The following NELL1 variants were observed in gnomAD, a reference collection of about 807,000 sequenced individuals.
NELL1 encodes the protein neural EGFL like 1, also known as protein kinase C-binding protein NELL1.
In NELL1, 76 loss-of-function variants were observed where a neutral mutation model predicts 107.4. That is an observed-to-expected ratio of 0.71 (90% CI 0.59 to 0.86). The LOEUF (loss-of-function observed/expected upper bound fraction) is 0.86. NELL1 is among the 40% of genes least tolerant of loss of function. The pLI is 0.00. For missense variants in NELL1, 1,024 were observed against 1,005.5 expected (o/e 1.02, Z -0.25); for synonymous variants, 353 against 341.2 (o/e 1.03, Z -0.38).
chr11:20,919,388 G>A lies in NELL1; in HGVS notation c.759+54G>A, dbSNP rs1850329129. The A allele has an allele frequency of 2.7e-6, 3 of 1,098,648 alleles. No homozygotes were observed. In the Admixed American group the frequency reaches 5.5e-5, roughly 20 times the overall value. The allele number at this position is 1,098,648 out of a possible 1,614,324, so 68.1% of individuals were successfully genotyped here. On this transcript the variant is annotated intron_variant, in intron 7 of 19. Transcript: ENST00000357134. ...TTCATTTCTTTTTCTGTCCTATCTG[G>A]AATTTGGAGTGATATGTTATAATGG...
chr11:21,460,041 A>C (rs778540860), intron 15 of NELL1, among the ~76,000 whole-genome samples: 8 of 152,136 alleles, frequency 5.3e-5, no homozygotes, highest in Non-Finnish European at 7.4e-5. Context: ...AGGCTTTATT[A>C]ATGTGGCCAG....
intron 2 of NELL1, among the ~76,000 whole-genome samples, chr11:20,702,223 A>C (rs2133882772): frequency 6.6e-6 from 1 of 152,294 alleles, no homozygotes; most frequent in Non-Finnish European, 1.5e-5. Context: ...GAGGTCCTTC[A>C]CATCCCTTGT....
At chr11:20,693,187 C>T (rs565427504) in intron 2 of NELL1, among the ~76,000 whole-genome samples, 2,089 of 151,728 alleles carry the variant, frequency 0.014, 41 homozygotes, top group African/African-American at 0.048. Flanking sequence ...TGTCTCTGCA[C>T]GTGAGATGGG....
intron 14 of NELL1, among the ~76,000 whole-genome samples, chr11:21,316,604 C>T (rs370992915): frequency 4.7e-4 from 72 of 152,286 alleles, no homozygotes; most frequent in African/African-American, 1.6e-3. Flanking sequence ...AATCATACTT[C>T]TGTGGTGTCC....
intron 14 of NELL1, among the ~76,000 whole-genome samples, chr11:21,336,519 A>C (rs1014558657): frequency 6.6e-6 from 1 of 151,964 alleles, no homozygotes; most frequent in African/African-American, 2.4e-5. Context: ...CCCACAAAAA[A>C]AAGAAGGACC....
intron 15 of NELL1, among the ~76,000 whole-genome samples, chr11:21,491,043 T>C (rs1854793619): frequency 6.6e-6 from 1 of 152,108 alleles, no homozygotes; most frequent in East Asian, 1.9e-4. Context: ...ATTTGCAAAC[T>C]GTCTATCCAA....
At chr11:20,904,854 G>T (rs1029480984) in intron 5 of NELL1, among the ~76,000 whole-genome samples, 1 of 151,254 alleles carries the variant, frequency 6.6e-6, no homozygotes. Context: ...TTTGAGACAG[G>T]GTCTCATTCT....
intron 12 of NELL1, among the ~76,000 whole-genome samples, chr11:21,067,370 A>T (rs547336624): frequency 6.6e-6 from 1 of 151,574 alleles, no homozygotes; most frequent in Non-Finnish European, 1.5e-5. Flanking sequence ...ATTTTTTTTT[A>T]AAGTCTTGCA....
intron 4 of NELL1, among the ~76,000 whole-genome samples, chr11:20,882,369 T>C (rs913964199): frequency 1.3e-5 from 2 of 152,244 alleles, no homozygotes; most frequent in African/African-American, 2.4e-5. Context: ...TGTGAATTTT[T>C]AGTTTACATA....
chr11:21,049,156 C>G (rs749200591), intron 12 of NELL1, among the ~76,000 whole-genome samples: 2 of 151,998 alleles, frequency 1.3e-5, no homozygotes, highest in African/African-American at 4.8e-5. Context: ...GGATGTACCC[C>G]CTAGGAAGGA....
At chr11:21,395,799 C>T (rs1250820314) in intron 15 of NELL1, among the ~76,000 whole-genome samples, 1 of 150,998 alleles carries the variant, frequency 6.6e-6, no homozygotes, top group Admixed American at 6.6e-5. Context: ...AAAAAAACTC[C>T]TCGATTGTGT....
intron 15 of NELL1, among the ~76,000 whole-genome samples, chr11:21,449,681 G>A (rs1283991078): frequency 6.6e-6 from 1 of 152,124 alleles, no homozygotes; most frequent in Admixed American, 6.5e-5. Flanking sequence ...TTAGTTTTAG[G>A]TTTAATGTTT....
chr11:20,841,687 A>G (rs1278052513), intron 3 of NELL1, among the ~76,000 whole-genome samples: 1 of 152,170 alleles, frequency 6.6e-6, no homozygotes, highest in Non-Finnish European at 1.5e-5. Flanking sequence ...ACTCCAATTT[A>G]TGTAATAGAT....
intron 13 of NELL1, among the ~76,000 whole-genome samples, chr11:21,215,296 T>C (rs1386718964): frequency 6.6e-6 from 1 of 152,208 alleles, no homozygotes. Context: ...ATAAGTTTCC[T>C]GAGGCCTTCT....
rs1849002869 is a variant in NELL1, at chr11:20,862,740, A to C, written c.506+14987A>C. Among the ~76,000 whole-genome samples the C allele has an allele frequency of 1.3e-5, 2 of 151,452 alleles. 1 individual carries two copies. The highest frequency in any genetic ancestry group is 1.3e-4 in the Admixed American group (2 of 15,126). ...ACAAAGGTCTCTGGCTTTCCTAGGC[A>C]GAGGACCCTGGCCTTCCGCAGTGTT... On this transcript the variant is annotated intron_variant, in intron 4 of 19. Coordinates refer to ENST00000357134, the MANE Select transcript of NELL1 (RefSeq NM_006157.5).
At chr11:20,720,587 AT>A (rs996648325) in intron 2 of NELL1, among the ~76,000 whole-genome samples, 1 of 151,864 alleles carries the variant, frequency 6.6e-6, no homozygotes, top group Non-Finnish European at 1.5e-5. Flanking sequence ...AGAAAACAGA[AT>A]TTTTTCTTTC....
At chr11:21,496,405 C>T (rs868103604) in intron 15 of NELL1, among the ~76,000 whole-genome samples, 3 of 141,282 alleles carry the variant, frequency 2.1e-5, no homozygotes, top group South Asian at 2.2e-4. Context: ...TTATTCTTCT[C>T]TTGTTTTTTT....
At chr11:21,093,362 G>A (rs1854564919) in intron 12 of NELL1, among the ~76,000 whole-genome samples, 1 of 151,766 alleles carries the variant, frequency 6.6e-6, no homozygotes, top group Non-Finnish European at 1.5e-5. Context: ...TTATTTTTTT[G>A]TTATCATGAT....
intron 13 of NELL1, among the ~76,000 whole-genome samples, chr11:21,120,367 G>C (rs1855337394): frequency 6.6e-6 from 1 of 152,060 alleles, no homozygotes; most frequent in Non-Finnish European, 1.5e-5. Context: ...TGATGAAATA[G>C]AGAATATTTT....
Sources: gnomAD v4.1 joint callset for allele counts (sites outside exome capture counted in the v4.1 genomes callset) on GRCh38, gnomAD v4.1.1 for gene constraint, MANE v1.5 for transcripts, NCBI Gene and HGNC (gene_info 2026-07-23, HGNC 2026-07-21) for gene names.